DLGAP2: variants seen among roughly 807,000 people sequenced by gnomAD.
DLGAP2 encodes the protein DLG associated protein 2.
DLGAP2 carries 26 observed loss-of-function variants against 100.3 expected under a neutral mutation model. The ratio of observed to expected loss-of-function variants is 0.26; its 90% CI spans 0.19 to 0.36. The LOEUF (loss-of-function observed/expected upper bound fraction) is 0.36. Among genes scored for constraint, DLGAP2 ranks in the 10% least tolerant of loss-of-function variants. The pLI, the probability that DLGAP2 is intolerant of heterozygous loss-of-function variation, is 1.00. For synonymous variants in DLGAP2, 886 were observed against 630.1 expected (o/e 1.41, Z -6.08); for missense variants, 1,858 against 1,453.2 (o/e 1.28, Z -4.53).
chr8:1,299,669 A>G (rs1216387096), intron 3 of DLGAP2, among the ~76,000 whole-genome samples: 1 of 152,182 alleles, frequency 6.6e-6, no homozygotes, highest in African/African-American at 2.4e-5. Context: ...GCTATTCCCT[A>G]TCTAATATTT....
intron 1 of DLGAP2, among the ~76,000 whole-genome samples, chr8:798,095 A>G (rs919559195): frequency 6.6e-6 from 1 of 152,182 alleles, no homozygotes; most frequent in Non-Finnish European, 1.5e-5. Flanking sequence ...TTGCATCTTC[A>G]CCAGGCTGTT....
chr8:928,024 T>G (rs540804109), intron 2 of DLGAP2, among the ~76,000 whole-genome samples: 1 of 152,236 alleles, frequency 6.6e-6, no homozygotes, highest in South Asian at 2.1e-4. Flanking sequence ...CGGCCAGCCA[T>G]GGGGTCCCGG....
At chr8:1,379,360 G>A (rs371011263) in intron 3 of DLGAP2, among the ~76,000 whole-genome samples, 3 of 152,228 alleles carry the variant, frequency 2.0e-5, no homozygotes, top group African/African-American at 7.2e-5. Context: ...TGGCACAGCC[G>A]CCCCACACGG....
chr8:1,079,007 T>G (rs1193534996), intron 2 of DLGAP2, among the ~76,000 whole-genome samples: 1 of 152,214 alleles, frequency 6.6e-6, no homozygotes, highest in African/African-American at 2.4e-5. Flanking sequence ...CTGCACCATT[T>G]TGTACTCCCA....
intron 1 of DLGAP2, among the ~76,000 whole-genome samples, chr8:821,184 C>T (rs867378050): frequency 6.6e-6 from 1 of 152,212 alleles, no homozygotes; most frequent in African/African-American, 2.4e-5. Flanking sequence ...CGTTAACTAA[C>T]TAATCATCAA....
chr8:840,955 G>A lies in DLGAP2; in HGVS notation c.19-66957G>A, dbSNP rs553712940. On this transcript the variant is annotated intron_variant, in intron 1 of 14. Transcript: ENST00000637795. ...TGGCTGTGCCCTTTCATCCAGGGAC[G>A]CTGTGTCTAGCTCTCACTCTCTGGT... Among the ~76,000 whole-genome samples the A allele has an allele frequency of 1.2e-4, 18 of 152,342 alleles. No homozygotes were observed. The South Asian group carries it at 1.4e-3, about 12-fold the overall frequency.
Position 1,201,923 on chromosome 8 carries a change from C to G in DLGAP2, c.74-56928C>G, listed in dbSNP as rs148360072. Among the ~76,000 whole-genome samples, 951 of 151,768 alleles carry G rather than the reference C, an allele frequency of 6.3e-3. 8 individuals are homozygous for G. Among genetic ancestry groups the G allele is most frequent in the Admixed American group, 0.024 (370 of 15,258 alleles). On this transcript the variant is annotated intron_variant, in intron 2 of 14. Coordinates refer to ENST00000637795, the MANE Select transcript of DLGAP2 (RefSeq NM_001346810.2). ...GTACATGTGTGCACATGTGTGGTAT[C>G]TAGCTCTGTGTGTGATGTGTGTATG...
chr8:1,090,329 C>T (rs539650760), intron 2 of DLGAP2, among the ~76,000 whole-genome samples: 1 of 132,960 alleles, frequency 7.5e-6, no homozygotes, highest in South Asian at 2.3e-4. Context: ...GGACCTGCTC[C>T]ATGTCTGCCC....
At chr8:1,149,731 T>C (rs1796666514) in intron 2 of DLGAP2, among the ~76,000 whole-genome samples, 1 of 152,244 alleles carries the variant, frequency 6.6e-6, no homozygotes, top group South Asian at 2.1e-4. Context: ...TATTTTATAT[T>C]CTTTGTTCTC....
intron 1 of DLGAP2, among the ~76,000 whole-genome samples, chr8:740,895 G>A (rs1391453619): frequency 1.3e-5 from 2 of 152,070 alleles, no homozygotes; most frequent in African/African-American, 2.4e-5. Flanking sequence ...GTCATTCATT[G>A]GATACAATAA....
At chr8:1,495,975 C>G (rs1012755588) in intron 3 of DLGAP2, among the ~76,000 whole-genome samples, 2 of 152,146 alleles carry the variant, frequency 1.3e-5, no homozygotes. Flanking sequence ...TGAAACAAGA[C>G]TGTGAGTATT....
At chr8:1,339,692 C>T (rs1801375685) in intron 3 of DLGAP2, among the ~76,000 whole-genome samples, 1 of 152,156 alleles carries the variant, frequency 6.6e-6, no homozygotes, top group African/African-American at 2.4e-5. Context: ...ATAGGGGGAT[C>T]CGGAGTCTCA....
chr8:903,628 C>G (rs1387661936), intron 1 of DLGAP2, among the ~76,000 whole-genome samples: 1 of 152,096 alleles, frequency 6.6e-6, no homozygotes, highest in Non-Finnish European at 1.5e-5. Context: ...TTCATGGGGC[C>G]ACTGAGACCA....
At chr8:1,243,233 C>T (rs1439480955) in intron 2 of DLGAP2, among the ~76,000 whole-genome samples, 1 of 152,186 alleles carries the variant, frequency 6.6e-6, no homozygotes, top group African/African-American at 2.4e-5. Flanking sequence ...AGCCTGCAGG[C>T]CCCTGCCCTG....
intron 6 of DLGAP2, among the ~76,000 whole-genome samples, chr8:1,594,713 C>T (rs966462845): frequency 4.6e-5 from 7 of 152,064 alleles, no homozygotes; most frequent in Non-Finnish European, 7.4e-5. Flanking sequence ...TGTGAGCCAC[C>T]GCGCCCGGCC....
chr8:1,470,003 G>GAAAAAAAAAGA lies in DLGAP2; in HGVS notation c.107-31354_107-31353insGAAAAAAAAAA, dbSNP rs11441796. On this transcript the variant is annotated intron_variant, in intron 3 of 14. Coordinates refer to ENST00000637795, the MANE Select transcript of DLGAP2 (RefSeq NM_001346810.2). ...AGACCTCATCCCTAAAAAAAAAAAA[G>GAAAAAAAAAGA]AAAAAAAAATTAGCCAAGCCTGGTG... is the stretch of plus-strand genomic sequence containing the variant. 1.4e-3 allele frequency among the ~76,000 whole-genome samples: 203 copies of GAAAAAAAAAGA among 149,024 alleles called. 1 individual carries two copies. Among genetic ancestry groups the GAAAAAAAAAGA allele is most frequent in the African/African-American group, 4.7e-3 (191 of 40,268 alleles).
chr8:1,455,909 A>C (rs1013321824), intron 3 of DLGAP2, among the ~76,000 whole-genome samples: 1 of 152,164 alleles, frequency 6.6e-6, no homozygotes, highest in Non-Finnish European at 1.5e-5. Flanking sequence ...CCCGGCACGA[A>C]ATCAATCAAC....
At chr8:1,171,866 G>A (rs556081619) in intron 2 of DLGAP2, among the ~76,000 whole-genome samples, 106 of 152,232 alleles carry the variant, frequency 7.0e-4, no homozygotes, top group African/African-American at 2.4e-3. Flanking sequence ...TTTAATTGGA[G>A]CATTTAGTCC....
chr8:1,000,295 T>C (rs35985414), intron 2 of DLGAP2, among the ~76,000 whole-genome samples: 16,223 of 133,272 alleles, frequency 0.12, 1,082 homozygotes, highest in Admixed American at 0.18. Context: ...TGGGGGTGGT[T>C]TTCTTTTGCA....
Sources: allele counts gnomAD v4.1 joint callset (sites outside exome capture counted in the v4.1 genomes callset), GRCh38; gene constraint gnomAD v4.1.1; transcripts MANE v1.5; gene names NCBI Gene and HGNC (gene_info 2026-07-23, HGNC 2026-07-21).